The following GLIS3 variants were observed in gnomAD, a reference collection of about 807,000 sequenced individuals.
The protein encoded by GLIS3 is GLIS family zinc finger 3.
GLIS3 carries 53 observed loss-of-function variants against 78.6 expected under a neutral mutation model. The ratio of observed to expected loss-of-function variants is 0.67; its 90% CI spans 0.54 to 0.85. GLIS3 has a LOEUF of 0.85. Ranked by LOEUF, GLIS3 falls within the 40% of genes least tolerant of loss-of-function variation. The pLI is 0.00. For synonymous variants in GLIS3, 684 were observed against 509.9 expected, an observed-to-expected ratio of 1.34 and a Z score of -4.60; for missense variants, 1,703 against 1,231.1, an observed-to-expected ratio of 1.38 and a Z score of -5.74.
chr9:4,358,103 T>G, the GLIS3 span, among the ~76,000 whole-genome samples: 1 of 152,190 alleles, frequency 6.6e-6, no homozygotes, highest in Admixed American at 6.5e-5. Flanking sequence ...TGTTCCCATT[T>G]GTGTGTATGT....
At chr9:4,191,951 G>C (rs1386759349) in intron 2 of GLIS3, among the ~76,000 whole-genome samples, 1 of 152,064 alleles carries the variant, frequency 6.6e-6, no homozygotes, top group Non-Finnish European at 1.5e-5. Flanking sequence ...AAGGAGGTTG[G>C]AAGTGAATGG....
intron 9 of GLIS3, among the ~76,000 whole-genome samples, chr9:3,837,381 A>G (rs1276456859): frequency 1.3e-5 from 2 of 152,208 alleles, no homozygotes; most frequent in Non-Finnish European, 1.5e-5. Context: ...AAAACTAAAC[A>G]TATGCTTACC....
chr9:4,300,346 A>C (rs1817014894), upstream of GLIS3, among the ~76,000 whole-genome samples: 1 of 146,184 alleles, frequency 6.8e-6, no homozygotes, highest in Non-Finnish European at 1.5e-5. Flanking sequence ...ACTTATTTTA[A>C]CATGAAAAAG....
intron 7 of GLIS3, among the ~76,000 whole-genome samples, chr9:3,884,574 G>C (rs1200800589): frequency 2.0e-5 from 3 of 152,158 alleles, no homozygotes; most frequent in African/African-American, 7.2e-5. Context: ...TTGAGTAGTA[G>C]GTGCTGGGGA....
intron 8 of GLIS3, among the ~76,000 whole-genome samples, chr9:3,857,085 T>A (rs527404963): frequency 6.6e-6 from 1 of 152,174 alleles, no homozygotes; most frequent in Non-Finnish European, 1.5e-5. Flanking sequence ...CTATCAAATA[T>A]CAAAATGATC....
chr9:4,170,466 T>C (rs1021151213), intron 2 of GLIS3, among the ~76,000 whole-genome samples: 9 of 152,134 alleles, frequency 5.9e-5, no homozygotes, highest in Non-Finnish European at 8.8e-5. Flanking sequence ...TAGAATGCCC[T>C]CCCAGCTCTA....
At chr9:3,858,493 A>G (rs1819938834) in intron 8 of GLIS3, among the ~76,000 whole-genome samples, 1 of 152,188 alleles carries the variant, frequency 6.6e-6, no homozygotes, top group African/African-American at 2.4e-5. Context: ...ATGAAGGAAT[A>G]AAATATCATG....
the GLIS3 span, among the ~76,000 whole-genome samples, chr9:4,409,022 T>C: frequency 6.6e-6 from 1 of 152,038 alleles, no homozygotes; most frequent in Non-Finnish European, 1.5e-5. Context: ...TATGTATATA[T>C]GTATACACAC....
chr9:3,837,128 G>A (rs1045082763), intron 9 of GLIS3, among the ~76,000 whole-genome samples: 2 of 152,128 alleles, frequency 1.3e-5, no homozygotes, highest in African/African-American at 4.8e-5. Flanking sequence ...GTAACCAAAG[G>A]CACTGACCTA....
intron 2 of GLIS3, among the ~76,000 whole-genome samples, chr9:4,344,325 T>C (rs1339564488): frequency 6.6e-6 from 1 of 152,234 alleles, no homozygotes; most frequent in Non-Finnish European, 1.5e-5. Flanking sequence ...CAGCAGTCAA[T>C]TCTCAGTCCT....
chr9:4,084,145 C>G (rs1178661853), intron 4 of GLIS3, among the ~76,000 whole-genome samples: 1 of 152,062 alleles, frequency 6.6e-6, no homozygotes, highest in Non-Finnish European at 1.5e-5. Flanking sequence ...ATTAAAAAGA[C>G]AGCAAGAACT....
At chr9:3,889,482 G>GT (rs1266631767) in intron 7 of GLIS3, among the ~76,000 whole-genome samples, 2 of 152,124 alleles carry the variant, frequency 1.3e-5, no homozygotes, top group African/African-American at 2.4e-5. Context: ...GACTACTAAA[G>GT]TATTTGCTAA....
At chr9:3,983,068 T>A (rs766533508) in intron 4 of GLIS3, among the ~76,000 whole-genome samples, 2 of 152,174 alleles carry the variant, frequency 1.3e-5, no homozygotes, top group Non-Finnish European at 2.9e-5. Context: ...AATCTCATCT[T>A]GAATTATAAC....
At chr9:3,849,879 A>G (rs1051385384) in intron 9 of GLIS3, among the ~76,000 whole-genome samples, 1 of 151,874 alleles carries the variant, frequency 6.6e-6, no homozygotes, top group Non-Finnish European at 1.5e-5. Flanking sequence ...ACTGCACCCC[A>G]GCCTGGGTGA....
intron 2 of GLIS3, among the ~76,000 whole-genome samples, chr9:4,193,370 A>G (rs1361045765): frequency 6.6e-6 from 1 of 152,232 alleles, no homozygotes; most frequent in Non-Finnish European, 1.5e-5. Flanking sequence ...TGCTATCAGA[A>G]AGGCAGAGTT....
chr9:4,407,556 AG>A, the GLIS3 span, among the ~76,000 whole-genome samples: 1 of 152,250 alleles, frequency 6.6e-6, no homozygotes, highest in Admixed American at 6.5e-5. Flanking sequence ...CTGAGGCAGG[AG>A]AATGGCGAGA....
chr9:4,480,386 G>C, the GLIS3 span, among the ~76,000 whole-genome samples: 3 of 151,694 alleles, frequency 2.0e-5, no homozygotes, highest in Non-Finnish European at 4.4e-5. Flanking sequence ...ATTTTTTGTA[G>C]AGTCAGTGTC....
chr9:3,983,205 G>C (rs1211763383), intron 4 of GLIS3, among the ~76,000 whole-genome samples: 1 of 152,130 alleles, frequency 6.6e-6, no homozygotes, highest in African/African-American at 2.4e-5. Flanking sequence ...TTAAAAAGGG[G>C]AGTTTCCCTG....
intron 2 of GLIS3, among the ~76,000 whole-genome samples, chr9:4,126,598 T>A (rs1331179057): frequency 6.6e-6 from 1 of 152,094 alleles, no homozygotes; most frequent in Non-Finnish European, 1.5e-5. Context: ...TTCAGTGTAG[T>A]AAAAGCTGGT....
Sources: gnomAD v4.1 joint callset for allele counts (sites outside exome capture counted in the v4.1 genomes callset) on GRCh38, gnomAD v4.1.1 for gene constraint, MANE v1.5 for transcripts, NCBI Gene and HGNC (gene_info 2026-07-23, HGNC 2026-07-21) for gene names.